FKBP5: variants seen among roughly 807,000 people sequenced by gnomAD.
The protein encoded by FKBP5 is peptidyl-prolyl cis-trans isomerase FKBP5.
A neutral mutation model predicts 50.5 loss-of-function variants in FKBP5; 23 were observed. The ratio of observed to expected loss-of-function variants is 0.46; its 90% CI spans 0.33 to 0.65. FKBP5 has a LOEUF of 0.65. FKBP5 is among the 30% of genes least tolerant of loss of function. The probability of loss-of-function intolerance (pLI) is 0.02; values close to 1 mark genes in which losing one functional copy is unlikely to be tolerated. For synonymous variants in FKBP5, 176 were observed against 190.6 expected, an observed-to-expected ratio of 0.92 and a Z score of 0.63; for missense variants, 411 against 553.1, an observed-to-expected ratio of 0.74 and a Z score of 2.58.
chr6:35,705,098 G>A (rs1201717059), intron 2 of FKBP5, among the ~76,000 whole-genome samples: 8 of 150,066 alleles, frequency 5.3e-5, no homozygotes, highest in African/African-American at 7.3e-5. Context: ...CTGACATCGC[G>A]CCACTGCACT....
chr6:35,668,792 A>C (rs1765300743), intron 1 of FKBP5, among the ~76,000 whole-genome samples: 1 of 152,176 alleles, frequency 6.6e-6, no homozygotes, highest in South Asian at 2.1e-4. Flanking sequence ...CATTTCTAAG[A>C]AACTATCAGA....
At chr6:35,655,334 T>C (rs1263741165) in intron 1 of FKBP5, among the ~76,000 whole-genome samples, 1 of 152,150 alleles carries the variant, frequency 6.6e-6, no homozygotes, top group Non-Finnish European at 1.5e-5. Flanking sequence ...TCCATGGAAC[T>C]TACATTTTGA....
At chr6:35,673,980 C>T (rs1765461927) in intron 1 of FKBP5, among the ~76,000 whole-genome samples, 1 of 152,152 alleles carries the variant, frequency 6.6e-6, no homozygotes, top group African/African-American at 2.4e-5. Flanking sequence ...CCTCAATTTC[C>T]TCATCTGTAA....
intron 1 of FKBP5, among the ~76,000 whole-genome samples, chr6:35,649,103 T>G (rs2150992787): frequency 6.6e-6 from 1 of 151,880 alleles, no homozygotes; most frequent in East Asian, 1.9e-4. Flanking sequence ...TACAAAATAT[T>G]AGCCGGGCGT....
At chr6:35,609,742 G>GAC (rs980559643) in intron 5 of FKBP5, among the ~76,000 whole-genome samples, 5 of 152,006 alleles carry the variant, frequency 3.3e-5, no homozygotes, top group African/African-American at 1.2e-4. Context: ...TGATTTCAGG[G>GAC]ACTGTCCATT....
chr6:35,639,523 T>C (rs566646295), intron 2 of FKBP5, among the ~76,000 whole-genome samples: 5 of 152,102 alleles, frequency 3.3e-5, no homozygotes, highest in Non-Finnish European at 5.9e-5. Context: ...TCTGAAAAGA[T>C]GAAAGGGTAA....
chr6:35,718,105 G>C (rs1402804587), intron 2 of FKBP5, among the ~76,000 whole-genome samples: 5 of 152,156 alleles, frequency 3.3e-5, no homozygotes, highest in Non-Finnish European at 2.9e-5. Context: ...CCACTCCCCA[G>C]ATGTCCAAGG....
At chr6:35,612,546 T>C (rs921166146) in intron 5 of FKBP5, among the ~76,000 whole-genome samples, 4 of 152,260 alleles carry the variant, frequency 2.6e-5, no homozygotes, top group Non-Finnish European at 4.4e-5. Flanking sequence ...TAGTCCATTC[T>C]CACGCTGCCA....
At chr6:35,583,025 T>G (rs1256287382) in intron 8 of FKBP5, 6 of 938,046 alleles carry the variant, frequency 6.4e-6, no homozygotes, top group Non-Finnish European at 7.6e-6. Flanking sequence ...AGTTCGAAGC[T>G]GCAGTTAGCT....
At chr6:35,619,007 T>C in intron 5 of FKBP5, 89 bp downstream of exon 5, 1 of 891,718 alleles carries the variant, frequency 1.1e-6, no homozygotes, top group Non-Finnish European at 1.8e-6. Flanking sequence ...ATATATTCAT[T>C]TCTACAAACA....
At chr6:35,618,079 C>T (rs1453428054) in intron 5 of FKBP5, among the ~76,000 whole-genome samples, 3 of 152,212 alleles carry the variant, frequency 2.0e-5, no homozygotes, top group Admixed American at 1.3e-4. Flanking sequence ...TTATAATCTA[C>T]TGCTCTGTTT....
At chr6:35,618,971 C>T in intron 5 of FKBP5, 125 bp downstream of exon 5, 3 of 654,270 alleles carry the variant, frequency 4.6e-6, no homozygotes, top group Non-Finnish European at 8.0e-6. Context: ...GCTGGGATTA[C>T]AGGCGTGAGT....
chr6:35,662,562 A>G (rs1418197194), intron 1 of FKBP5, among the ~76,000 whole-genome samples: 1 of 151,740 alleles, frequency 6.6e-6, no homozygotes, highest in Non-Finnish European at 1.5e-5. Context: ...GGGATTACAG[A>G]TGTGAGCCAT....
chr6:35,624,788 TCTTA>T (rs931959544), intron 3 of FKBP5, among the ~76,000 whole-genome samples: 69 of 152,198 alleles, frequency 4.5e-4, no homozygotes, highest in African/African-American at 1.6e-3. Context: ...CTCCTAACAC[TCTTA>T]CTGAGATACT....
At chr6:35,724,693 C>A (rs1188811011) in intron 1 of FKBP5, among the ~76,000 whole-genome samples, 2 of 150,290 alleles carry the variant, frequency 1.3e-5, no homozygotes, top group African/African-American at 4.9e-5. Flanking sequence ...GAGGTTGAGG[C>A]AGCAGTGAGC....
chr6:35,701,256 T>G lies in FKBP5; in HGVS notation c.-20+19072A>C, dbSNP rs372103035. 2.3e-3 allele frequency among the ~76,000 whole-genome samples: 351 copies of G among 150,104 alleles called. 4 individuals carry two copies. Among genetic ancestry groups the G allele is most frequent in the South Asian group, 4.4e-3 (21 of 4,808 alleles). ...TTGTTTTTTGTTTTTTTGTTTTTTT[T>G]TTTTTGAGACGGAGTCTCGCTCTGT... On this transcript the variant is annotated intron_variant, in intron 2 of 11. Coordinates refer to the FKBP5 transcript ENST00000536438.
At chr6:35,668,095 G>A (rs1021308924) in intron 1 of FKBP5, among the ~76,000 whole-genome samples, 2 of 152,236 alleles carry the variant, frequency 1.3e-5, no homozygotes, top group African/African-American at 4.8e-5. Context: ...TACAACGAGT[G>A]TGTAACACAA....
chr6:35,642,636 C>T lies in FKBP5; in HGVS notation c.105+84G>A, dbSNP rs1301302191. The stretch of plus-strand genomic sequence containing the variant: ...TTAGTAACCATCAATAAACATTATC[C>T]ACCCCAGCCCCCCTCAGAAAGAGAT... On this transcript the variant is annotated intron_variant, in intron 2 of 10. Transcript: ENST00000357266. The T allele has an allele frequency of 6.0e-6, 6 of 992,912 alleles. No individual in the cohort carries two copies. The South Asian group carries it at 6.3e-5, about 11-fold the overall frequency. The allele number at this position is 992,912 out of a possible 1,614,324, so 61.5% of individuals were successfully genotyped here.
At chr6:35,622,178 CT>C (rs1413988419) in intron 3 of FKBP5, among the ~76,000 whole-genome samples, 2 of 152,128 alleles carry the variant, frequency 1.3e-5, no homozygotes, top group East Asian at 3.8e-4. Flanking sequence ...AATATTACAA[CT>C]TTTCAAAATG....
Sources: allele counts gnomAD v4.1 joint callset (sites outside exome capture counted in the v4.1 genomes callset), GRCh38; gene constraint gnomAD v4.1.1; transcripts MANE v1.5; gene names NCBI Gene and HGNC (gene_info 2026-07-23, HGNC 2026-07-21).